Variants in NPAS3 observed in about 807,000 individuals in gnomAD.
NPAS3 encodes the protein neuronal PAS domain-containing protein 3.
In NPAS3, 14 loss-of-function variants were observed where a neutral mutation model predicts 73.1. That is an observed-to-expected ratio of 0.19 (90% CI 0.13 to 0.30). NPAS3 has a LOEUF of 0.30. NPAS3 is among the 10% of genes least tolerant of loss of function. The pLI is 1.00. For missense variants in NPAS3, 1,096 were observed against 1,250.0 expected, an observed-to-expected ratio of 0.88 and a Z score of 1.86; for synonymous variants, 620 against 541.5, an observed-to-expected ratio of 1.14 and a Z score of -2.01.
intron 4 of NPAS3, among the ~76,000 whole-genome samples, chr14:33,407,817 T>C (rs915916649): frequency 1.3e-5 from 2 of 152,162 alleles, no homozygotes; most frequent in Non-Finnish European, 2.9e-5. Context: ...GAGAAGTTAA[T>C]GCAATCCCAA....
chr14:33,341,174 T>G (rs1320730701), intron 3 of NPAS3, among the ~76,000 whole-genome samples: 2 of 152,186 alleles, frequency 1.3e-5, no homozygotes, highest in Non-Finnish European at 2.9e-5. Context: ...AGTTTGACAG[T>G]TTTAAAAACA....
At chr14:33,429,852 C>T (rs2048708836) in intron 4 of NPAS3, among the ~76,000 whole-genome samples, 4 of 152,124 alleles carry the variant, frequency 2.6e-5, no homozygotes. Flanking sequence ...TTTCTGTTTT[C>T]CATGTTTCTA....
chr14:32,954,401 T>C (rs919579392), intron 1 of NPAS3, among the ~76,000 whole-genome samples: 1 of 152,192 alleles, frequency 6.6e-6, no homozygotes, highest in Non-Finnish European at 1.5e-5. Context: ...CTTAAATTTC[T>C]CCATAACCCA....
intron 5 of NPAS3, among the ~76,000 whole-genome samples, chr14:33,563,537 C>CACACACACACACACAGAGAGAGAGAGAG: frequency 1.2e-4 from 14 of 119,698 alleles, no homozygotes; most frequent in African/African-American, 3.4e-4. Flanking sequence ...CACACACACA[C>CACACACACACACACAGAGAGAGAGAGAG]AGAGAGAGAG....
intron 6 of NPAS3, among the ~76,000 whole-genome samples, chr14:33,687,498 G>A (rs1286705325): frequency 6.6e-6 from 1 of 152,182 alleles, no homozygotes; most frequent in Non-Finnish European, 1.5e-5. Flanking sequence ...ACTCTCCTGT[G>A]TCCAGCCATG....
At chr14:33,073,907 G>T (rs1381782934) in intron 2 of NPAS3, among the ~76,000 whole-genome samples, 2 of 152,116 alleles carry the variant, frequency 1.3e-5, no homozygotes, top group Non-Finnish European at 1.5e-5. Flanking sequence ...ATCTGCACAG[G>T]CATAGATTGT....
At chr14:33,551,249 G>T in intron 4 of NPAS3, among the ~76,000 whole-genome samples, 1 of 152,030 alleles carries the variant, frequency 6.6e-6, no homozygotes, top group East Asian at 1.9e-4. Flanking sequence ...TAGTGTCTGC[G>T]GTCTCTAAAT....
chr14:33,750,860 C>T (rs1430958232), intron 7 of NPAS3, among the ~76,000 whole-genome samples: 1 of 152,088 alleles, frequency 6.6e-6, no homozygotes, highest in Non-Finnish European at 1.5e-5. Context: ...GAGGTATGTT[C>T]CAAGGGCAAC....
intron 2 of NPAS3, among the ~76,000 whole-genome samples, chr14:33,161,109 C>T (rs2044864516): frequency 6.6e-6 from 1 of 152,082 alleles, no homozygotes. Flanking sequence ...TTAGCTTTTC[C>T]TTAGAAAGCA....
chr14:33,786,046 A>C (rs1210219893), intron 9 of NPAS3, among the ~76,000 whole-genome samples: 1 of 152,170 alleles, frequency 6.6e-6, no homozygotes, highest in East Asian at 1.9e-4. Context: ...CCGTGTGTCG[A>C]GTGACCAAGC....
chr14:33,001,613 C>T (rs924069262), intron 1 of NPAS3, among the ~76,000 whole-genome samples: 14 of 152,058 alleles, frequency 9.2e-5, no homozygotes, highest in South Asian at 8.3e-4. Context: ...TACCTTAGCA[C>T]GTACCTTGCA....
chr14:33,322,954 C>T (rs1373319195), intron 3 of NPAS3, among the ~76,000 whole-genome samples: 1 of 152,170 alleles, frequency 6.6e-6, no homozygotes, highest in East Asian at 1.9e-4. Context: ...AATGCTACTA[C>T]CTAGTACTAG....
In NPAS3 at chr14:33,631,651, G is replaced by A. The variant is rs189627611; in HGVS notation, c.559-44560G>A. 1.1e-4 allele frequency among the ~76,000 whole-genome samples: 17 copies of A among 152,304 alleles called. No homozygotes were observed. In the East Asian group the frequency reaches 2.1e-3, roughly 19 times the overall value. ...GAGATTGATATAGACTCTCTTTGGC[G>A]GTGCATCGATCTGTATCTTGTGAAC... On this transcript the variant is annotated intron_variant, in intron 5 of 11. Coordinates refer to ENST00000356141, the Ensembl canonical transcript of NPAS3.
chr14:33,661,862 TA>T (rs1437837287), intron 5 of NPAS3, among the ~76,000 whole-genome samples: 2 of 152,190 alleles, frequency 1.3e-5, no homozygotes, highest in Non-Finnish European at 2.9e-5. Context: ...TTACTTTTGA[TA>T]AGTTTTCACC....
intron 2 of NPAS3, among the ~76,000 whole-genome samples, chr14:33,159,291 C>A (rs1402504682): frequency 6.6e-6 from 1 of 152,170 alleles, no homozygotes; most frequent in Non-Finnish European, 1.5e-5. Flanking sequence ...TGAGTTGATG[C>A]ACCAGAATTG....
intron 3 of NPAS3, among the ~76,000 whole-genome samples, chr14:33,247,181 C>T (rs2048423092): frequency 6.6e-6 from 1 of 151,886 alleles, no homozygotes; most frequent in Non-Finnish European, 1.5e-5. Flanking sequence ...AATATACATT[C>T]TAAAGTACTC....
Position 33,589,378 on chromosome 14 carries a change from G to T in NPAS3, c.558+29168G>T, listed in dbSNP as rs549950179. ...TAAGAAGCTAGTACAGCCAGAACATGGTAAAAAAGCACCTCCCTTCAGACA... is the reference window on the plus strand; with the variant it reads ...TAAGAAGCTAGTACAGCCAGAACATTGTAAAAAAGCACCTCCCTTCAGACA... On this transcript the variant is annotated intron_variant, in intron 5 of 11. Coordinates refer to ENST00000356141, the Ensembl canonical transcript of NPAS3. Among the ~76,000 whole-genome samples the T allele has an allele frequency of 2.0e-5, 3 of 152,216 alleles. No homozygotes were observed. In the East Asian group the frequency reaches 5.8e-4, roughly 29 times the overall value.
chr14:33,094,714 C>A (rs1000661707), intron 2 of NPAS3, among the ~76,000 whole-genome samples: 3 of 152,148 alleles, frequency 2.0e-5, no homozygotes, highest in Non-Finnish European at 4.4e-5. Flanking sequence ...GCTCCACCTG[C>A]CTTGGCCTCC....
intron 4 of NPAS3, among the ~76,000 whole-genome samples, chr14:33,428,389 G>C (rs546669578): frequency 8.5e-5 from 13 of 152,216 alleles, no homozygotes; most frequent in Admixed American, 1.3e-4. Context: ...AATGGTAGCT[G>C]TTATTATCAG....
Sources: allele counts gnomAD v4.1 joint callset (sites outside exome capture counted in the v4.1 genomes callset), GRCh38; gene constraint gnomAD v4.1.1; transcripts MANE v1.5; gene names NCBI Gene and HGNC (gene_info 2026-07-23, HGNC 2026-07-21).